Variants in FSD1L observed in about 807,000 individuals in gnomAD.
FSD1L encodes FSD1-like protein.
FSD1L carries 45 observed loss-of-function variants against 71.6 expected under a neutral mutation model. The observed-to-expected ratio is 0.63, with a 90% CI of 0.49 to 0.81. The LOEUF (loss-of-function observed/expected upper bound fraction) is 0.81, where lower values mean the gene tolerates loss of function less well. Ranked by LOEUF, FSD1L falls within the 30% of genes least tolerant of loss-of-function variation. FSD1L has a pLI of 0.00. For synonymous variants in FSD1L, 197 were observed against 207.2 expected (o/e 0.95, Z 0.42); for missense variants, 561 against 618.1 (o/e 0.91, Z 0.98).
chr9:105,467,403 A>G (rs1056395552), intron 3 of FSD1L, among the ~76,000 whole-genome samples: 3 of 152,220 alleles, frequency 2.0e-5, no homozygotes, highest in Admixed American at 6.5e-5. Flanking sequence ...GCAAGTGTGG[A>G]TATTGCTTAT....
intron 7 of FSD1L, among the ~76,000 whole-genome samples, chr9:105,496,445 A>G (rs146472478): frequency 1.8e-4 from 28 of 152,316 alleles, no homozygotes; most frequent in African/African-American, 6.5e-4. Flanking sequence ...TACTGGGATT[A>G]TGATTGGGAT....
intron 3 of FSD1L, among the ~76,000 whole-genome samples, chr9:105,467,732 G>T (rs1444457074): frequency 1.3e-5 from 2 of 152,236 alleles, no homozygotes; most frequent in Admixed American, 1.3e-4. Flanking sequence ...GACAAAATCC[G>T]CCTCATTTCT....
chr9:105,504,332 G>A lies in FSD1L; in HGVS notation c.587-2067G>A, dbSNP rs1387365214. On this transcript the variant is annotated intron_variant, in intron 7 of 13. Transcript: ENST00000481272. ...ATGACAAATAATAAATGCTTTTTTGGTTGTCAGTTGTCTTACTAATAAGTT... is the reference window on the plus strand; with the variant it reads ...ATGACAAATAATAAATGCTTTTTTGATTGTCAGTTGTCTTACTAATAAGTT... Among the ~76,000 whole-genome samples, 4 of 152,212 alleles carry A rather than the reference G, an allele frequency of 2.6e-5. No homozygotes were observed. In the East Asian group the frequency reaches 7.7e-4, roughly 29 times the overall value.
intron 7 of FSD1L, among the ~76,000 whole-genome samples, chr9:105,494,004 T>C (rs1325623120): frequency 2.0e-5 from 3 of 152,220 alleles, no homozygotes; most frequent in Non-Finnish European, 4.4e-5. Flanking sequence ...TTGAGGAGTA[T>C]CTTTGTGTCA....
chr9:105,460,255 G>A (rs901628505), intron 1 of FSD1L, among the ~76,000 whole-genome samples: 4 of 152,078 alleles, frequency 2.6e-5, no homozygotes, highest in Non-Finnish European at 2.9e-5. Context: ...TTCATCTGTG[G>A]TAATAGAATT....
chr9:105,538,790 T>C (rs1454166808), intron 12 of FSD1L, among the ~76,000 whole-genome samples: 1 of 152,054 alleles, frequency 6.6e-6, no homozygotes. Flanking sequence ...ATTAACAAAA[T>C]TGAAGCAGTG....
rs933678919 is a variant in FSD1L, at chr9:105,450,966, C to CT, written c.15+2739dup. Among the ~76,000 whole-genome samples the CT allele has an allele frequency of 4.2e-4, 64 of 151,534 alleles. 1 individual carries two copies. The highest frequency in any genetic ancestry group is 1.2e-3 in the African/African-American group (50 of 41,312). On this transcript the variant is annotated intron_variant, in intron 1 of 13. Coordinates refer to ENST00000481272, the MANE Select transcript of FSD1L (RefSeq NM_001145313.3). Reference sequence around the variant, plus strand: ...TTAAAATTAAGTGTAGACATTTTTCCTTTTTTTTGAGACGAAGTCTCGCTC... The same window carrying CT: ...TTAAAATTAAGTGTAGACATTTTTCCTTTTTTTTTGAGACGAAGTCTCGCTC...
At chr9:105,472,653 T>A (rs1831549956) in intron 5 of FSD1L, 1 of 152,228 alleles carries the variant, frequency 6.6e-6, no homozygotes, top group South Asian at 2.1e-4. Context: ...TGTTATTTAC[T>A]TCACCTTTGT....
At chr9:105,453,056 T>G (rs1403799340) in intron 1 of FSD1L, among the ~76,000 whole-genome samples, 1 of 149,934 alleles carries the variant, frequency 6.7e-6, no homozygotes, top group Non-Finnish European at 1.5e-5. Flanking sequence ...TTTTTTTTTT[T>G]TTTTTTTTTT....
intron 10 of FSD1L, chr9:105,520,076 G>T: frequency 6.4e-7 from 1 of 1,561,892 alleles, no homozygotes; most frequent in Non-Finnish European, 8.7e-7. Flanking sequence ...ACTTTCTGCC[G>T]CTGGGAGCCG....
intron 5 of FSD1L, among the ~76,000 whole-genome samples, chr9:105,474,024 G>C (rs531202256): frequency 6.2e-4 from 94 of 152,198 alleles, no homozygotes; most frequent in Non-Finnish European, 1.2e-3. Flanking sequence ...TGGAGATGTG[G>C]TGAAATGAAT....
intron 7 of FSD1L, among the ~76,000 whole-genome samples, chr9:105,489,708 A>C (rs960879289): frequency 2.0e-5 from 3 of 151,900 alleles, no homozygotes; most frequent in Non-Finnish European, 4.4e-5. Flanking sequence ...TCATGTGTCC[A>C]TGTGTTCTCA....
intron 7 of FSD1L, among the ~76,000 whole-genome samples, chr9:105,491,471 C>A (rs957543332): frequency 6.6e-6 from 1 of 152,120 alleles, no homozygotes; most frequent in African/African-American, 2.4e-5. Flanking sequence ...TCCTCTTTTC[C>A]TAACTGAATA....
At position 105,481,586 on chromosome 9, in the gene FSD1L, C is replaced by T. The variant is rs1028647300; in HGVS notation, c.464+2210C>T. Among the ~76,000 whole-genome samples the T allele has an allele frequency of 7.2e-5, 11 of 151,854 alleles. No individual in the cohort carries two copies. The South Asian group carries it at 1.5e-3, about 20-fold the overall frequency. The stretch of plus-strand genomic sequence containing the variant: ...GATTACAGGTGTGAGCCACTGTGCC[C>T]GGCCCTTCAACTTAATTTTTAAAAT... On this transcript the variant is annotated intron_variant, in intron 6 of 13. Coordinates refer to ENST00000481272, the MANE Select transcript of FSD1L (RefSeq NM_001145313.3).
intron 5 of FSD1L, among the ~76,000 whole-genome samples, chr9:105,476,605 A>T (rs574304014): frequency 6.6e-6 from 1 of 152,310 alleles, no homozygotes; most frequent in South Asian, 2.1e-4. Context: ...CAAGAAGCTT[A>T]GTTATATTAC....
At position 105,448,034 on chromosome 9, in the gene FSD1L, C is replaced by A; in HGVS notation, c.-187C>A. On this transcript the variant is annotated 5_prime_UTR_variant, in exon 1 of 14. Coordinates refer to ENST00000481272, the MANE Select transcript of FSD1L (RefSeq NM_001145313.3). The stretch of plus-strand genomic sequence containing the variant: ...CAGCCCCTCCCTTCTGCGGGCCGCC[C>A]TTTCACCCTGGCAACCGCGGCGTGA... The A allele has an allele frequency of 1.5e-6, 1 of 657,456 alleles. No homozygotes were observed. The highest frequency in any genetic ancestry group is 2.7e-6 in the Non-Finnish European group (1 of 373,190). The allele number at this position is 657,456 out of a possible 1,614,324, so 40.7% of individuals were successfully genotyped here.
intron 1 of FSD1L, among the ~76,000 whole-genome samples, chr9:105,449,848 C>T (rs367777131): frequency 2.0e-5 from 3 of 152,278 alleles, no homozygotes; most frequent in African/African-American, 4.8e-5. Context: ...GTTCTCATTT[C>T]GAATGATGTG....
intron 10 of FSD1L, among the ~76,000 whole-genome samples, chr9:105,518,063 A>G (rs890368159): frequency 6.6e-6 from 1 of 152,066 alleles, no homozygotes; most frequent in Non-Finnish European, 1.5e-5. Flanking sequence ...AGAGACAAAG[A>G]AGGGCATTAC....
At chr9:105,474,512 C>T (rs1831668955) in intron 5 of FSD1L, among the ~76,000 whole-genome samples, 1 of 152,222 alleles carries the variant, frequency 6.6e-6, no homozygotes, top group South Asian at 2.1e-4. Flanking sequence ...AGTTCACTTT[C>T]CTAGCCAGCT....
Sources: gnomAD v4.1 joint callset for allele counts (sites outside exome capture counted in the v4.1 genomes callset) on GRCh38, gnomAD v4.1.1 for gene constraint, MANE v1.5 for transcripts, NCBI Gene and HGNC (gene_info 2026-07-23, HGNC 2026-07-21) for gene names.